Variants in MS4A6E observed in about 807,000 individuals in gnomAD.
MS4A6E encodes the protein membrane-spanning 4-domains subfamily A member 6E.
Under a neutral mutation model 13.2 loss-of-function variants are expected in MS4A6E, and 8 were observed. That is an observed-to-expected ratio of 0.60 (90% CI 0.35 to 1.09). MS4A6E has a LOEUF of 1.09. Ranked by LOEUF, MS4A6E falls within the 50% of genes least tolerant of loss-of-function variation. The pLI is 0.02. For missense variants in MS4A6E, 177 were observed against 171.1 expected, an observed-to-expected ratio of 1.03 and a Z score of -0.19; for synonymous variants, 72 against 67.6, an observed-to-expected ratio of 1.06 and a Z score of -0.32.
intron 3 of MS4A6E, among the ~76,000 whole-genome samples, chr11:60,338,988 G>C (rs930055349): frequency 1.3e-5 from 2 of 152,206 alleles, no homozygotes; most frequent in African/African-American, 4.8e-5. Context: ...ATAAATTCAT[G>C]ATGGGACGAT....
intron 4 of MS4A6E, among the ~76,000 whole-genome samples, chr11:60,347,672 T>A (rs1292906053): frequency 2.0e-5 from 3 of 152,060 alleles, no homozygotes. Flanking sequence ...ACCCTACTGT[T>A]TTCTCTCCTT....
At chr11:60,331,869 T>C (rs1341324101) in intron 1 of MS4A6E, among the ~76,000 whole-genome samples, 1 of 152,168 alleles carries the variant, frequency 6.6e-6, no homozygotes, top group Non-Finnish European at 1.5e-5. Flanking sequence ...CAGAGCTCTC[T>C]TGCTCCTTTC....
chr11:60,344,906 GTTTTGTTTT>G (rs1240589185), downstream of MS4A6E, among the ~76,000 whole-genome samples: 4 of 71,088 alleles, frequency 5.6e-5, no homozygotes, highest in African/African-American at 1.6e-4. Flanking sequence ...TTGTTTGTTT[GTTTTGTTTT>G]TTTTGTTTGT....
intron 4 of MS4A6E, 136 bp downstream of exon 4, chr11:60,340,100 G>C: frequency 7.6e-7 from 1 of 1,322,068 alleles, no homozygotes; most frequent in Non-Finnish European, 1.0e-6. Flanking sequence ...TTTAAATGGT[G>C]ATGGAAGACC....
intron 1 of MS4A6E, among the ~76,000 whole-genome samples, chr11:60,333,773 T>G (rs1351046441): frequency 2.0e-5 from 3 of 152,222 alleles, no homozygotes; most frequent in Non-Finnish European, 4.4e-5. Context: ...GAACAAGAGA[T>G]ATTTTATGGA....
chr11:60,342,198 AG>A (rs1565157612), downstream of MS4A6E, among the ~76,000 whole-genome samples: 800 of 112,630 alleles, frequency 7.1e-3, 6 homozygotes, highest in South Asian at 0.019. Flanking sequence ...AGAGAGAGAG[AG>A]AGGGGGGGGG....
downstream of MS4A6E, among the ~76,000 whole-genome samples, chr11:60,342,172 TGTGTGTGA>T (rs1242091331): frequency 4.7e-4 from 15 of 31,658 alleles, no homozygotes; most frequent in Non-Finnish European, 8.5e-4. Context: ...TGTGTGTGTG[TGTGTGTGA>T]GAGAGAGAGA....
At chr11:60,342,173 GT>G (rs1565157547), downstream of MS4A6E, among the ~76,000 whole-genome samples, 48 of 32,878 alleles carry the variant, frequency 1.5e-3, 2 homozygotes, top group African/African-American at 4.6e-3. Context: ...GTGTGTGTGT[GT>G]GTGTGAGAGA....
chr11:60,340,001 G>C, intron 4 of MS4A6E, 37 bp downstream of exon 4: 1 of 1,607,314 alleles, frequency 6.2e-7, no homozygotes, highest in Non-Finnish European at 8.5e-7. Flanking sequence ...ATCTTGCCTA[G>C]TGTATCTTAT....
At chr11:60,340,091 T>G in intron 4 of MS4A6E, 127 bp downstream of exon 4, 1 of 1,402,046 alleles carries the variant, frequency 7.1e-7, no homozygotes, top group Non-Finnish European at 9.7e-7. Flanking sequence ...GGGAGGTCAT[T>G]TAAATGGTGA....
At chr11:60,328,069 T>G (rs531083786) in intron 1 of MS4A6E, among the ~76,000 whole-genome samples, 1 of 144,522 alleles carries the variant, frequency 6.9e-6, no homozygotes. Context: ...TCAAAGGCCA[T>G]CCTTGTTATC....
At chr11:60,335,442 AT>A (rs2085182581) in intron 2 of MS4A6E, 1 of 378,346 alleles carries the variant, frequency 2.6e-6, no homozygotes, top group African/African-American at 2.1e-5. Context: ...TACAGAAAAA[AT>A]ATACCTCCTC....
intron 3 of MS4A6E, 116 bp downstream of exon 3, chr11:60,338,063 A>G: frequency 1.0e-6 from 1 of 1,003,150 alleles, no homozygotes; most frequent in Non-Finnish European, 1.5e-6. Flanking sequence ...CATCTGGAGG[A>G]AGGCCAAGGT....
At chr11:60,331,908 G>A (rs2085158457) in intron 1 of MS4A6E, among the ~76,000 whole-genome samples, 1 of 152,164 alleles carries the variant, frequency 6.6e-6, no homozygotes, top group South Asian at 2.1e-4. Context: ...CAAGAAGACA[G>A]ACATCCTTGA....
intron 4 of MS4A6E, among the ~76,000 whole-genome samples, 186 bp downstream of exon 4, chr11:60,340,150 G>A (rs1433446471): frequency 6.6e-6 from 1 of 152,230 alleles, no homozygotes; most frequent in African/African-American, 2.4e-5. Context: ...CTGACAAGCT[G>A]AGAGTTCACT....
intron 1 of MS4A6E, among the ~76,000 whole-genome samples, chr11:60,328,538 C>A (rs1307991682): frequency 6.6e-6 from 1 of 151,690 alleles, no homozygotes; most frequent in Non-Finnish European, 1.5e-5. Flanking sequence ...CACACACACA[C>A]ACACACACAC....
chr11:60,337,014 G>C (rs573510942), intron 2 of MS4A6E, among the ~76,000 whole-genome samples: 3 of 152,250 alleles, frequency 2.0e-5, no homozygotes, highest in Non-Finnish European at 2.9e-5. Flanking sequence ...CTGACATCCA[G>C]TCCAGGCCTT....
chr11:60,330,581 C>T (rs4938936), intron 1 of MS4A6E, among the ~76,000 whole-genome samples: 35,969 of 151,618 alleles, frequency 0.24, 4,494 homozygotes, highest in Middle Eastern at 0.32. Flanking sequence ...CCTCGTGATC[C>T]GCCCACCTCG....
intron 1 of MS4A6E, among the ~76,000 whole-genome samples, chr11:60,333,599 G>T (rs1053716527): frequency 6.6e-6 from 1 of 152,128 alleles, no homozygotes; most frequent in African/African-American, 2.4e-5. Flanking sequence ...GAGAGTGGGA[G>T]ATGAAAGCTG....
Sources: gnomAD v4.1 joint callset for allele counts (sites outside exome capture counted in the v4.1 genomes callset) on GRCh38, gnomAD v4.1.1 for gene constraint, MANE v1.5 for transcripts, NCBI Gene and HGNC (gene_info 2026-07-23, HGNC 2026-07-21) for gene names.